Variants in MDGA2 observed in about 807,000 individuals in gnomAD.
MDGA2 encodes MAM domain containing glycosylphosphatidylinositol anchor 2.
A neutral mutation model predicts 117.8 loss-of-function variants in MDGA2; 40 were observed. The ratio of observed to expected loss-of-function variants is 0.34; its 90% confidence interval spans 0.26 to 0.44. The LOEUF is 0.44. Among genes scored for constraint, MDGA2 ranks in the 20% least tolerant of loss-of-function variants. The pLI, the probability that MDGA2 is intolerant of heterozygous loss-of-function variation, is 1.00. For synonymous variants in MDGA2, 452 were observed against 439.0 expected (o/e 1.03, Z -0.37); for missense variants, 1,123 against 1,250.6 (o/e 0.90, Z 1.54).
chr14:47,256,197 C>T (rs769973493), intron 2 of MDGA2, among the ~76,000 whole-genome samples: 11 of 150,728 alleles, frequency 7.3e-5, no homozygotes, highest in Non-Finnish European at 1.2e-4. Context: ...TTAAAACTGA[C>T]GTGGCCAGGG....
At chr14:47,469,284 C>G (rs916674449) in intron 1 of MDGA2, among the ~76,000 whole-genome samples, 1 of 151,930 alleles carries the variant, frequency 6.6e-6, no homozygotes, top group Non-Finnish European at 1.5e-5. Context: ...TTAGGTATAT[C>G]TCCTAATGCT....
In MDGA2 at chr14:47,301,429, T is replaced by C. The variant is rs750228482; in HGVS notation, c.402A>G (p.Thr134=). Residue 134 remains threonine, a synonymous_variant, in exon 2 of 17, where the codon ACA becomes ACG. Transcript: ENST00000399232. ...GACTCACCTGTGGACGTGGATGTCC[T>C]GTGACTAGACAAGTCAACTCAAGGG... ...GETLELTCLV[T]GHPRPQIRWT... is the part of the protein sequence containing the mutation. 7.1e-6 allele frequency: 11 copies of C among 1,551,754 alleles called. No individual in the cohort carries two copies. Among genetic ancestry groups the C allele is most frequent in the Non-Finnish European group, 9.6e-6 (11 of 1,147,030 alleles).
Position 47,061,535 on chromosome 14 carries a change from G to A in MDGA2, c.1239C>T (p.His413=), listed in dbSNP as rs373695136. The change falls in exon 7 of 17, where the codon CAC becomes CAT. Residue 413 remains histidine, a synonymous_variant. Coordinates refer to ENST00000399232, the MANE Select transcript of MDGA2 (RefSeq NM_001113498.3). ...GGCCAATCTGGATGTTGTCATCTTT[G>A]TGATAAGGATCTGGTGTGATCCAAA... ...GRFWITPDPY[H]KDDNIQIGRE... The A allele has an allele frequency of 6.2e-6, 10 of 1,612,996 alleles. No homozygotes were observed. The highest frequency in any genetic ancestry group is 8.5e-6 in the Non-Finnish European group (10 of 1,179,488).
At chr14:47,379,430 G>A (rs1891556857) in intron 1 of MDGA2, among the ~76,000 whole-genome samples, 1 of 152,182 alleles carries the variant, frequency 6.6e-6, no homozygotes, top group East Asian at 1.9e-4. Flanking sequence ...TGGCAAATTG[G>A]ATAAAGAGTG....
At chr14:47,082,262 T>A (rs1566613396) in intron 6 of MDGA2, among the ~76,000 whole-genome samples, 2 of 151,784 alleles carry the variant, frequency 1.3e-5, no homozygotes, top group South Asian at 2.1e-4. Flanking sequence ...GAGATTTTTT[T>A]AAGTCCTTTT....
intron 7 of MDGA2, among the ~76,000 whole-genome samples, chr14:47,041,350 TA>T (rs1214502794): frequency 6.6e-6 from 1 of 152,092 alleles, no homozygotes; most frequent in Non-Finnish European, 1.5e-5. Context: ...TCAAATTATT[TA>T]AAAAAATTGT....
intron 2 of MDGA2, among the ~76,000 whole-genome samples, chr14:47,267,020 G>A (rs1205382641): frequency 1.3e-5 from 2 of 152,032 alleles, no homozygotes; most frequent in Admixed American, 1.3e-4. Flanking sequence ...TGGCTTACAT[G>A]GTAATGGTAA....
At chr14:47,493,051 T>C (rs1419289831) in intron 1 of MDGA2, among the ~76,000 whole-genome samples, 1 of 151,894 alleles carries the variant, frequency 6.6e-6, no homozygotes, top group East Asian at 1.9e-4. Context: ...ATAATACTTA[T>C]TACCAGTATC....
chr14:46,948,938 T>G (rs1230003251), intron 9 of MDGA2, among the ~76,000 whole-genome samples: 1 of 152,048 alleles, frequency 6.6e-6, no homozygotes, highest in African/African-American at 2.4e-5. Flanking sequence ...CATCTCTGCC[T>G]TTTTGGAGGG....
At chr14:47,220,731 T>C (rs1405205211) in intron 2 of MDGA2, among the ~76,000 whole-genome samples, 1 of 152,194 alleles carries the variant, frequency 6.6e-6, no homozygotes, top group Admixed American at 6.5e-5. Flanking sequence ...TTGATTTTCC[T>C]GGAGTGGTAT....
intron 1 of MDGA2, among the ~76,000 whole-genome samples, chr14:47,363,553 T>C (rs1891170990): frequency 1.3e-5 from 2 of 152,116 alleles, no homozygotes; most frequent in African/African-American, 4.8e-5. Context: ...TCACCATACC[T>C]GGCCTGTATC....
chr14:46,959,999 G>A (rs943349272), intron 8 of MDGA2, among the ~76,000 whole-genome samples: 22 of 152,040 alleles, frequency 1.4e-4, no homozygotes, highest in African/African-American at 4.1e-4. Context: ...TGAGGAGGGC[G>A]GATCACGAGG....
At chr14:47,620,563 G>A (rs1449218044) in intron 1 of MDGA2, among the ~76,000 whole-genome samples, 1 of 152,096 alleles carries the variant, frequency 6.6e-6, no homozygotes, top group Non-Finnish European at 1.5e-5. Flanking sequence ...TAACCTAATT[G>A]TTTCCCTAAT....
intron 1 of MDGA2, among the ~76,000 whole-genome samples, chr14:47,474,666 C>T (rs1011352669): frequency 2.6e-5 from 4 of 152,032 alleles, no homozygotes; most frequent in African/African-American, 4.8e-5. Context: ...GAATAGAGTA[C>T]TCAGAAATAA....
At chr14:47,066,645 C>T (rs1465239188) in intron 6 of MDGA2, among the ~76,000 whole-genome samples, 1 of 151,866 alleles carries the variant, frequency 6.6e-6, no homozygotes, top group Non-Finnish European at 1.5e-5. Context: ...TCCAAAAGGG[C>T]TTGTTTATAT....
intron 1 of MDGA2, among the ~76,000 whole-genome samples, chr14:47,550,381 T>C (rs571930028): frequency 9.8e-5 from 15 of 152,336 alleles, no homozygotes; most frequent in African/African-American, 3.6e-4. Flanking sequence ...TACAATATGT[T>C]TGGCAAACCA....
chr14:46,895,850 C>T (rs1187332938), intron 10 of MDGA2, among the ~76,000 whole-genome samples: 1 of 152,068 alleles, frequency 6.6e-6, no homozygotes, highest in African/African-American at 2.4e-5. Flanking sequence ...TCTGCAATGC[C>T]GCCTGTCCCT....
chr14:47,071,625 AC>A (rs1890285694), intron 6 of MDGA2, among the ~76,000 whole-genome samples: 1 of 152,010 alleles, frequency 6.6e-6, no homozygotes, highest in Non-Finnish European at 1.5e-5. Flanking sequence ...GTATAGACAT[AC>A]TTTTCCATCC....
At chr14:47,539,698 G>A (rs1472944897) in intron 1 of MDGA2, among the ~76,000 whole-genome samples, 1 of 152,164 alleles carries the variant, frequency 6.6e-6, no homozygotes, top group Non-Finnish European at 1.5e-5. Flanking sequence ...AGTTATATAA[G>A]GTAAATCATA....
Sources: allele counts gnomAD v4.1 joint callset (sites outside exome capture counted in the v4.1 genomes callset), GRCh38; gene constraint gnomAD v4.1.1; transcripts MANE v1.5; gene names NCBI Gene and HGNC (gene_info 2026-07-23, HGNC 2026-07-21).